The following FRMPD4 variants were observed in gnomAD, a reference collection of about 807,000 sequenced individuals.
FRMPD4 encodes FERM and PDZ domain containing 4, also known as FERM and PDZ domain-containing protein 4.
In FRMPD4, 22 loss-of-function variants were observed where a neutral mutation model predicts 94.1. That is an observed-to-expected ratio of 0.23 (90% CI 0.17 to 0.33). FRMPD4 has a LOEUF of 0.33. Among genes scored for constraint, FRMPD4 ranks in the 10% least tolerant of loss-of-function variants. The probability of loss-of-function intolerance (pLI) is 1.00; values close to 1 mark genes in which losing one functional copy is unlikely to be tolerated. For synonymous variants in FRMPD4, 631 were observed against 548.6 expected, an observed-to-expected ratio of 1.15 and a Z score of -2.10; for missense variants, 1,111 against 1,339.9, an observed-to-expected ratio of 0.83 and a Z score of 2.67.
chrX:12,062,760 C>A (rs2054894483), intron 3 of FRMPD4, among the ~76,000 whole-genome samples: 1 of 111,334 alleles, frequency 9.0e-6, no homozygotes, highest in African/African-American at 3.3e-5. Context: ...TATAGGGCAA[C>A]TTTGGTTTTA....
chrX:12,659,704 A>G (rs1274874492), intron 4 of FRMPD4, among the ~76,000 whole-genome samples: 1 of 112,845 alleles, frequency 8.9e-6, no homozygotes, highest in Non-Finnish European at 1.9e-5. Flanking sequence ...ATGCAGGGAG[A>G]GCTAGACAGC....
chrX:12,612,999 G>A (rs2059197989), intron 3 of FRMPD4, among the ~76,000 whole-genome samples: 1 of 111,803 alleles, frequency 8.9e-6, no homozygotes, highest in Non-Finnish European at 1.9e-5. Flanking sequence ...ATCTGGGTGG[G>A]TAGAGAACAA....
intron 1 of FRMPD4, among the ~76,000 whole-genome samples, chrX:12,390,748 G>A (rs941330805): frequency 3.6e-4 from 40 of 111,742 alleles, no homozygotes; most frequent in African/African-American, 9.8e-4. Flanking sequence ...TCACTCCATC[G>A]ATATGGCCAA....
chrX:12,656,568 T>A (rs941595622), intron 4 of FRMPD4, among the ~76,000 whole-genome samples: 2 of 112,059 alleles, frequency 1.8e-5, no homozygotes, highest in Admixed American at 1.9e-4. Context: ...TTTGGATGAA[T>A]CTCAAAAACA....
chrX:12,614,467 G>A (rs1020255274), intron 3 of FRMPD4, among the ~76,000 whole-genome samples: 2 of 110,411 alleles, frequency 1.8e-5, no homozygotes, highest in Non-Finnish European at 3.8e-5. Context: ...ATCTCACCCC[G>A]CACCCCCGCA....
intron 2 of FRMPD4, among the ~76,000 whole-genome samples, chrX:12,532,473 A>T (rs1353216604): frequency 3.6e-5 from 4 of 111,853 alleles, no homozygotes; most frequent in Non-Finnish European, 7.5e-5. Flanking sequence ...CAATTTCTTC[A>T]ATAAGGAATA....
chrX:11,948,742 G>A (rs2054204401), intron 3 of FRMPD4, among the ~76,000 whole-genome samples: 1 of 111,731 alleles, frequency 9.0e-6, no homozygotes, highest in South Asian at 3.8e-4. Flanking sequence ...AATCTTGAAA[G>A]CCATTTGAAA....
At chrX:11,990,539 G>A (rs991156637) in intron 3 of FRMPD4, among the ~76,000 whole-genome samples, 1 of 112,018 alleles carries the variant, frequency 8.9e-6, no homozygotes, top group African/African-American at 3.2e-5. Context: ...AACCCCTAAA[G>A]CTTACTAAAT....
rs184614854 is a variant in FRMPD4 at position 12,259,381 on chromosome X, C to T, written c.41+120369C>T. ...AGAAACACACACACAGGGAAAATATCATGTGGCAATGAAGGTAGAGAATGG... is the reference window on the plus strand; with the variant it reads ...AGAAACACACACACAGGGAAAATATTATGTGGCAATGAAGGTAGAGAATGG... On this transcript the variant is annotated intron_variant, in intron 1 of 16. Transcript: ENST00000675598. 4.5e-4 allele frequency among the ~76,000 whole-genome samples: 50 copies of T among 111,353 alleles called. 1 individual carries two copies. The East Asian group carries it at 5.9e-3, about 13-fold the overall frequency.
intron 4 of FRMPD4, among the ~76,000 whole-genome samples, chrX:12,667,765 G>A: frequency 8.9e-6 from 1 of 111,880 alleles, no homozygotes; most frequent in Non-Finnish European, 1.9e-5. Flanking sequence ...TGTTTCAAGG[G>A]ACTCTGCATC....
intron 1 of FRMPD4, among the ~76,000 whole-genome samples, chrX:12,239,034 G>A (rs998782627): frequency 8.9e-6 from 1 of 112,205 alleles, no homozygotes; most frequent in Non-Finnish European, 1.9e-5. Flanking sequence ...ACATGTCATC[G>A]TATATGAATT....
chrX:11,865,153 G>A (rs1001930121), exon 2 of FRMPD4, among the ~76,000 whole-genome samples: 3 of 111,677 alleles, frequency 2.7e-5, no homozygotes, highest in African/African-American at 9.8e-5. Flanking sequence ...CCATAGAGTG[G>A]AAAATAAAAT....
At chrX:11,930,920 A>G (rs2054119378) in intron 3 of FRMPD4, among the ~76,000 whole-genome samples, 1 of 110,725 alleles carries the variant, frequency 9.0e-6, no homozygotes, top group Non-Finnish European at 1.9e-5. Context: ...GTGAGTCTTG[A>G]AGTGTAGTGG....
intron 1 of FRMPD4, among the ~76,000 whole-genome samples, chrX:12,159,695 G>A (rs765991052): frequency 8.9e-6 from 1 of 111,954 alleles, no homozygotes; most frequent in East Asian, 2.8e-4. Flanking sequence ...TAAAATTATG[G>A]CGCTATGCAA....
At chrX:12,488,681 G>GT (rs1456136620) in intron 1 of FRMPD4, among the ~76,000 whole-genome samples, 3 of 110,956 alleles carry the variant, frequency 2.7e-5, no homozygotes, top group Non-Finnish European at 5.7e-5. Context: ...TGAAAAAAAA[G>GT]TTTTGCACAA....
chrX:12,423,106 A>C (rs1238020809), intron 1 of FRMPD4, among the ~76,000 whole-genome samples: 1 of 110,893 alleles, frequency 9.0e-6, no homozygotes. Context: ...CCTTGTGTGA[A>C]AGGATTATTT....
chrX:12,463,058 C>T (rs1041862763), intron 1 of FRMPD4, among the ~76,000 whole-genome samples: 3 of 112,057 alleles, frequency 2.7e-5, no homozygotes, highest in African/African-American at 9.7e-5. Flanking sequence ...ATTTTTCCTA[C>T]CATGTTGCTA....
chrX:12,491,403 G>A (rs1405491905), intron 1 of FRMPD4, among the ~76,000 whole-genome samples: 1 of 111,686 alleles, frequency 9.0e-6, no homozygotes, highest in Non-Finnish European at 1.9e-5. Flanking sequence ...GGATCACATG[G>A]TGCACACCCT....
intron 4 of FRMPD4, among the ~76,000 whole-genome samples, chrX:12,618,954 C>T: frequency 9.0e-6 from 1 of 111,683 alleles, no homozygotes; most frequent in Non-Finnish European, 1.9e-5. Context: ...TCTCCCCCTT[C>T]CTCAGTACCA....
Sources: gnomAD v4.1 joint callset for allele counts (sites outside exome capture counted in the v4.1 genomes callset) on GRCh38, gnomAD v4.1.1 for gene constraint, MANE v1.5 for transcripts, NCBI Gene and HGNC (gene_info 2026-07-23, HGNC 2026-07-21) for gene names.